SLC24A2: variants seen among roughly 807,000 people sequenced by gnomAD.
The protein encoded by SLC24A2 is sodium/potassium/calcium exchanger 2.
A neutral mutation model predicts 62.0 loss-of-function variants in SLC24A2; 36 were observed. The ratio of observed to expected loss-of-function variants is 0.58; its 90% CI spans 0.44 to 0.77. The LOEUF is 0.77. Ranked by LOEUF, SLC24A2 falls within the 30% of genes least tolerant of loss-of-function variation. The pLI is 0.00. For synonymous variants in SLC24A2, 358 were observed against 294.0 expected, an observed-to-expected ratio of 1.22 and a Z score of -2.23; for missense variants, 846 against 817.9, an observed-to-expected ratio of 1.03 and a Z score of -0.42.
the SLC24A2 span, among the ~76,000 whole-genome samples, chr9:20,303,510 G>T: frequency 1.8e-3 from 270 of 152,112 alleles, 2 homozygotes; most frequent in African/African-American, 6.4e-3. Flanking sequence ...TAGTTCCCAC[G>T]TTCTGACAGC....
the SLC24A2 span, among the ~76,000 whole-genome samples, chr9:20,243,307 A>G: frequency 6.6e-6 from 1 of 152,216 alleles, no homozygotes; most frequent in Non-Finnish European, 1.5e-5. Context: ...AGACTATCAT[A>G]ATCAGAAAAA....
intron 4 of SLC24A2, among the ~76,000 whole-genome samples, chr9:19,606,000 C>A (rs1836973068): frequency 6.6e-6 from 1 of 152,154 alleles, no homozygotes; most frequent in Admixed American, 6.5e-5. Context: ...ACCATGCACA[C>A]CCCAAGCAGG....
chr9:20,116,098 C>G, the SLC24A2 span, among the ~76,000 whole-genome samples: 2 of 152,122 alleles, frequency 1.3e-5, no homozygotes, highest in African/African-American at 2.4e-5. Context: ...CTGAAGTTGT[C>G]TCAAGACCAA....
chr9:19,708,443 A>T (rs998202454), intron 2 of SLC24A2, among the ~76,000 whole-genome samples: 1 of 152,202 alleles, frequency 6.6e-6, no homozygotes. Flanking sequence ...AGCCTGCATC[A>T]CCAAGTCAAC....
chr9:20,087,454 T>C, the SLC24A2 span, among the ~76,000 whole-genome samples: 14 of 152,310 alleles, frequency 9.2e-5, no homozygotes, highest in African/African-American at 3.4e-4. Flanking sequence ...AATCTCAGCC[T>C]CAAAATTAGA....
chr9:20,046,525 A>G, the SLC24A2 span, among the ~76,000 whole-genome samples: 1 of 152,244 alleles, frequency 6.6e-6, no homozygotes, highest in Non-Finnish European at 1.5e-5. Context: ...GGATAAAAAC[A>G]ACATTTTTTT....
At chr9:20,036,600 G>A in the SLC24A2 span, among the ~76,000 whole-genome samples, 125 of 152,082 alleles carry the variant, frequency 8.2e-4, 1 homozygote, top group East Asian at 1.2e-3. Flanking sequence ...GATTTTCTGC[G>A]TCTGTCTTAT....
chr9:19,754,206 C>T (rs1291910874), intron 2 of SLC24A2, among the ~76,000 whole-genome samples: 3 of 152,136 alleles, frequency 2.0e-5, no homozygotes, highest in Admixed American at 6.6e-5. Flanking sequence ...AGAAAGGATC[C>T]GCCTGCAGCC....
chr9:19,545,456 A>G (rs1433776330), intron 8 of SLC24A2, among the ~76,000 whole-genome samples: 1 of 151,578 alleles, frequency 6.6e-6, no homozygotes, highest in Non-Finnish European at 1.5e-5. Flanking sequence ...TTCTCCATCC[A>G]TTTTTGTTCC....
At chr9:19,660,733 T>C (rs983150752) in intron 2 of SLC24A2, among the ~76,000 whole-genome samples, 2 of 152,186 alleles carry the variant, frequency 1.3e-5, no homozygotes, top group African/African-American at 2.4e-5. Flanking sequence ...TTTCCTCTTA[T>C]GAAAGGAAAG....
chr9:19,628,798 C>T (rs1467905242), intron 2 of SLC24A2, among the ~76,000 whole-genome samples: 2 of 152,204 alleles, frequency 1.3e-5, no homozygotes, highest in African/African-American at 4.8e-5. Flanking sequence ...ATAAAATACG[C>T]TAACACTAAT....
the SLC24A2 span, among the ~76,000 whole-genome samples, chr9:20,154,939 G>A: frequency 6.6e-6 from 1 of 151,708 alleles, no homozygotes; most frequent in East Asian, 2.0e-4. Flanking sequence ...GAGGGGTAAG[G>A]AAATTCTCCT....
chr9:19,542,254 G>C (rs1834307268), intron 8 of SLC24A2, among the ~76,000 whole-genome samples: 1 of 152,138 alleles, frequency 6.6e-6, no homozygotes, highest in Non-Finnish European at 1.5e-5. Flanking sequence ...TCTTTTATTG[G>C]TGTATATGAA....
At chr9:20,187,227 A>G in the SLC24A2 span, among the ~76,000 whole-genome samples, 1 of 152,274 alleles carries the variant, frequency 6.6e-6, no homozygotes, top group South Asian at 2.1e-4. Context: ...CAAATATGGC[A>G]TTGTTTTGAT....
chr9:19,850,990 T>TAC, the SLC24A2 span, among the ~76,000 whole-genome samples: 2 of 39,856 alleles, frequency 5.0e-5, no homozygotes, highest in African/African-American at 1.5e-4. Context: ...TATATGTATA[T>TAC]ATATATATAT....
rs149666842 is a variant in SLC24A2 at position 19,595,749 on chromosome 9, A to G, written c.1129+1480T>C. Among the ~76,000 whole-genome samples, 12 of 152,306 alleles carry G rather than the reference A, an allele frequency of 7.9e-5. No individual in the cohort carries two copies. The East Asian group carries it at 1.7e-3, about 22-fold the overall frequency. On this transcript the variant is annotated intron_variant, in intron 5 of 10. Coordinates refer to ENST00000341998, the MANE Select transcript of SLC24A2 (RefSeq NM_020344.4). ...GGATGGCAGGGAAACAAAAGTACGTAGGAGGTAGGACATTAATGATAGAAG... is the reference window on the plus strand; with the variant it reads ...GGATGGCAGGGAAACAAAAGTACGTGGGAGGTAGGACATTAATGATAGAAG...
At chr9:19,975,588 G>C in the SLC24A2 span, among the ~76,000 whole-genome samples, 1 of 152,178 alleles carries the variant, frequency 6.6e-6, no homozygotes, top group South Asian at 2.1e-4. Flanking sequence ...TTAGTACAAG[G>C]ATAGAAAGTG....
chr9:19,627,185 G>C (rs1298460541), intron 2 of SLC24A2, among the ~76,000 whole-genome samples: 1 of 152,152 alleles, frequency 6.6e-6, no homozygotes, highest in Non-Finnish European at 1.5e-5. Flanking sequence ...TTACAATCCG[G>C]TTTAAAGAAA....
chr9:20,170,858 C>T, the SLC24A2 span, among the ~76,000 whole-genome samples: 1 of 152,012 alleles, frequency 6.6e-6, no homozygotes, highest in East Asian at 1.9e-4. Flanking sequence ...ATACAAGAAG[C>T]TCAAAGAACA....
Sources: allele counts gnomAD v4.1 joint callset (sites outside exome capture counted in the v4.1 genomes callset), GRCh38; gene constraint gnomAD v4.1.1; transcripts MANE v1.5; gene names NCBI Gene and HGNC (gene_info 2026-07-23, HGNC 2026-07-21).